OR51M1: variants seen among roughly 807,000 people sequenced by gnomAD.
The protein encoded by OR51M1 is olfactory receptor family 51 subfamily M member 1.
For missense variants in OR51M1, 509 were observed against 404.4 expected, an observed-to-expected ratio of 1.26 and a Z score of -2.22; for synonymous variants, 199 against 155.1, an observed-to-expected ratio of 1.28 and a Z score of -2.10.
In OR51M1 at chr11:5,390,472, GATTTTTTGCCC is replaced by G. The variant is rs1849779515; in HGVS notation, c.*94_*104del. The G allele has an allele frequency of 8.8e-7, 1 of 1,138,498 alleles. No individual in the cohort carries two copies. Among genetic ancestry groups the G allele is most frequent in the South Asian group, 1.8e-5 (1 of 56,982 alleles). 70.5% of individuals were successfully genotyped at this position (1,138,498 alleles called of 1,614,324 possible). A position where few individuals can be genotyped will look rare whatever the true frequency, so the allele number is the denominator to read the frequency against. On this transcript the variant is annotated 3_prime_UTR_variant, in exon 3 of 3. Coordinates refer to ENST00000642046, the MANE Select transcript of OR51M1 (RefSeq NM_001004756.3). ...ATTGAGTATATAGCATGCTCTTAAA[GATTTTTTGCCC>G]CTGTCCTAAATAAAATATGGGCAAA...
chr11:5,384,284 A>C (rs1262921725), intron 1 of OR51M1, among the ~76,000 whole-genome samples: 4 of 152,100 alleles, frequency 2.6e-5, no homozygotes, highest in Non-Finnish European at 5.9e-5. Context: ...CAATCCTCCC[A>C]CCTTATTCTT....
intron 1 of OR51M1, among the ~76,000 whole-genome samples, 172 bp downstream of exon 1, chr11:5,384,089 A>T (rs1849649363): frequency 1.3e-5 from 2 of 152,172 alleles, no homozygotes; most frequent in Admixed American, 1.3e-4. Context: ...CAAATGTTTG[A>T]ATGTCCTTAG....
At chr11:5,384,203 C>G (rs888350407) in intron 1 of OR51M1, among the ~76,000 whole-genome samples, 2 of 152,022 alleles carry the variant, frequency 1.3e-5, no homozygotes, top group Non-Finnish European at 2.9e-5. Context: ...GAAATGAGGT[C>G]TAGCTCTGTT....
intron 1 of OR51M1, among the ~76,000 whole-genome samples, chr11:5,385,065 G>A (rs191019617): frequency 6.6e-6 from 1 of 152,320 alleles, no homozygotes; most frequent in Non-Finnish European, 1.5e-5. Context: ...AGGTGAGGTA[G>A]AGAGCCAATT....
intron 1 of OR51M1, among the ~76,000 whole-genome samples, chr11:5,384,901 A>T (rs534250592): frequency 5.1e-4 from 78 of 152,326 alleles, no homozygotes; most frequent in African/African-American, 1.8e-3. Flanking sequence ...AATGTTCTCT[A>T]GGGGTTCAAA....
Position 5,389,470 on chromosome 11 carries a change from C to G in OR51M1, c.72C>G (p.Phe24Leu). Residue 24 changes from phenylalanine (F) to leucine (L), a missense_variant, in exon 3 of 3, where the codon TTC (phenylalanine) becomes TTG (leucine). By Grantham distance (22) the Phe-to-Leu change is conservative. Coordinates refer to ENST00000642046, the MANE Select transcript of OR51M1 (RefSeq NM_001004756.3). ...LSNITQFSPIFYLTSFPGLEG... is the reference protein window; with the variant it reads ...LSNITQFSPILYLTSFPGLEG... The stretch of plus-strand genomic sequence containing the variant: ...ACATTACTCAGTTTAGCCCCATATT[C>G]TATCTCACCAGCTTTCCTGGATTGG... The G allele has an allele frequency of 6.2e-7, 1 of 1,613,958 alleles. No homozygotes were observed. The highest frequency in any genetic ancestry group is 1.1e-5 in the South Asian group (1 of 91,082).
chr11:5,387,024 G>C (rs1369948688), intron 2 of OR51M1, among the ~76,000 whole-genome samples: 1 of 152,000 alleles, frequency 6.6e-6, no homozygotes, highest in Non-Finnish European at 1.5e-5. Flanking sequence ...GATATGTAAC[G>C]GAGTTATCTG....
intron 2 of OR51M1, among the ~76,000 whole-genome samples, chr11:5,389,167 C>T (rs1036726242): frequency 6.6e-6 from 1 of 151,986 alleles, no homozygotes; most frequent in Non-Finnish European, 1.5e-5. Flanking sequence ...GGCACACCAG[C>T]AAAGAGGCAG....
Position 5,391,823 on chromosome 11 carries a change from T to G in OR51M1, c.*1444T>G, listed in dbSNP as rs554921549. Reference sequence around the variant, plus strand: ...GGAGGATTGCTGAAGGCCAGGAGTTTGAGACCAACTTCAGGCAAGAAGATT... The same window carrying G: ...GGAGGATTGCTGAAGGCCAGGAGTTGGAGACCAACTTCAGGCAAGAAGATT... On this transcript the variant is annotated 3_prime_UTR_variant, in exon 3 of 3. Transcript: ENST00000642046. 6.6e-6 allele frequency: 1 copy of G among 152,382 alleles called. No individual in the cohort carries two copies. Among genetic ancestry groups the G allele is most frequent in the East Asian group, 1.9e-4 (1 of 5,174 alleles). The allele number at this position is 152,382 out of a possible 1,614,324, so 9.4% of individuals were successfully genotyped here.
chr11:5,389,066 T>C (rs552425675), intron 2 of OR51M1, among the ~76,000 whole-genome samples: 1 of 152,282 alleles, frequency 6.6e-6, no homozygotes, highest in Admixed American at 6.5e-5. Context: ...AATGAAATCA[T>C]GGTAGTGGAT....
At position 5,390,134 on chromosome 11, in the gene OR51M1, C is replaced by T. The variant is rs748310893; in HGVS notation, c.736C>T (p.Gln246Ter). ...TVAGLASQEE[Q>*]RRAFQTCTAP... ...AGCAGGCCTGGCCTCCCAAGAGGAG[C>T]AGCGCCGTGCCTTTCAGACATGCAC... is the stretch of plus-strand genomic sequence containing the variant. Residue 246 changes from glutamine (Q) to a stop codon, truncating the protein, a stop_gained, in exon 3 of 3, where the codon CAG becomes TAG. Coordinates refer to ENST00000642046, the MANE Select transcript of OR51M1 (RefSeq NM_001004756.3). LOFTEE classifies it low-confidence loss of function (END_TRUNC). 6.2e-7 allele frequency: 1 copy of T among 1,613,794 alleles called. No individual in the cohort carries two copies. Among genetic ancestry groups the T allele is most frequent in the Admixed American group, 1.7e-5 (1 of 60,030 alleles).
In OR51M1 at chr11:5,389,984, G is replaced by T. The variant is rs371343610; in HGVS notation, c.586G>T (p.Val196Leu). The stretch of plus-strand genomic sequence containing the variant: ...CCACTCATTTTGCCTGCACCAGGAA[G>T]TGATACAGCTGGCCTGCACAGATAT... ...LSHSFCLHQE[V>L]IQLACTDITF... is the part of the protein sequence containing the mutation. The change falls in exon 3 of 3, where the codon GTG (valine) becomes TTG (leucine). Residue 196 changes from valine (V) to leucine (L), a missense_variant. Val to Leu is a conservative substitution (Grantham distance 32). Coordinates refer to ENST00000642046, the MANE Select transcript of OR51M1 (RefSeq NM_001004756.3). The T allele has an allele frequency of 2.5e-6, 4 of 1,612,650 alleles. No homozygotes were observed. Among genetic ancestry groups the T allele is most frequent in the Middle Eastern group, 1.6e-4 (1 of 6,062 alleles).
At chr11:5,389,289 T>C in intron 2 of OR51M1, 95 bp from the exon 3 acceptor site, 1 of 1,045,482 alleles carries the variant, frequency 9.6e-7, no homozygotes, top group Non-Finnish European at 1.4e-6. Flanking sequence ...GAGTAGATAA[T>C]ACTAAAGGTG....
At chr11:5,384,106 G>A (rs959240830) in intron 1 of OR51M1, among the ~76,000 whole-genome samples, 189 bp downstream of exon 1, 3 of 152,072 alleles carry the variant, frequency 2.0e-5, no homozygotes, top group East Asian at 1.9e-4. Flanking sequence ...TTAGCCAAAT[G>A]GATTCCCCAC....
rs1849794859 is a variant in OR51M1, at chr11:5,391,516, A to G, written c.*1137A>G. Reference sequence around the variant, plus strand: ...ATGCCTAGCACATGCCATATACTCAATAAATATTAAATGTATGCGTGGACA... The same window carrying G: ...ATGCCTAGCACATGCCATATACTCAGTAAATATTAAATGTATGCGTGGACA... On this transcript the variant is annotated 3_prime_UTR_variant, in exon 3 of 3. Coordinates refer to ENST00000642046, the MANE Select transcript of OR51M1 (RefSeq NM_001004756.3). 6.6e-6 allele frequency: 1 copy of G among 152,242 alleles called. No homozygotes were observed. The highest frequency in any genetic ancestry group is 6.5e-5 in the Admixed American group (1 of 15,280). The allele number at this position is 152,242 out of a possible 1,614,324, so 9.4% of individuals were successfully genotyped here.
intron 2 of OR51M1, among the ~76,000 whole-genome samples, chr11:5,386,155 G>A (rs1472315667): frequency 6.7e-6 from 1 of 149,536 alleles, no homozygotes; most frequent in East Asian, 1.9e-4. Flanking sequence ...GGAAAAACAG[G>A]GGTGGTTTTT....
intron 2 of OR51M1, among the ~76,000 whole-genome samples, chr11:5,387,197 A>G (rs1849708210): frequency 6.6e-6 from 1 of 152,196 alleles, no homozygotes; most frequent in South Asian, 2.1e-4. Flanking sequence ...AAAAATCAGA[A>G]GAGAACCAGC....
At chr11:5,389,158 G>C (rs79220377) in intron 2 of OR51M1, among the ~76,000 whole-genome samples, 3 of 152,112 alleles carry the variant, frequency 2.0e-5, no homozygotes, top group African/African-American at 7.2e-5. Context: ...AGCAATAAAG[G>C]CACACCAGCA....
In OR51M1 at chr11:5,390,812, A is replaced by C; in HGVS notation, c.*433A>C. Reference sequence around the variant, plus strand: ...CCTTGGGACTGCTTCCATCTTATCTACCTGGCCAAGTTTCTTCTCATCTTT... The same window carrying C: ...CCTTGGGACTGCTTCCATCTTATCTCCCTGGCCAAGTTTCTTCTCATCTTT... On this transcript the variant is annotated 3_prime_UTR_variant, in exon 3 of 3. Coordinates refer to ENST00000642046, the MANE Select transcript of OR51M1 (RefSeq NM_001004756.3). 6.4e-6 allele frequency: 1 copy of C among 156,340 alleles called. No homozygotes were observed. The highest frequency in any genetic ancestry group is 1.9e-4 in the East Asian group (1 of 5,230). The allele number at this position is 156,340 out of a possible 1,614,324, so 9.7% of individuals were successfully genotyped here. A position where few individuals can be genotyped will look rare whatever the true frequency, so the allele number is the denominator to read the frequency against.
Sources: allele counts gnomAD v4.1 joint callset (sites outside exome capture counted in the v4.1 genomes callset), GRCh38; gene constraint gnomAD v4.1.1; transcripts MANE v1.5; gene names NCBI Gene and HGNC (gene_info 2026-07-23, HGNC 2026-07-21).